Variants in EFCAB6 observed in about 807,000 individuals in gnomAD.
EFCAB6 encodes EF-hand calcium-binding domain-containing protein 6.
A neutral mutation model predicts 169.8 loss-of-function variants in EFCAB6; 156 were observed. The ratio of observed to expected loss-of-function variants is 0.92; its 90% CI spans 0.81 to 1.05. The LOEUF is 1.05. Among genes scored for constraint, EFCAB6 ranks in the 50% least tolerant of loss-of-function variants. EFCAB6 has a pLI of 0.00. For synonymous variants in EFCAB6, 698 were observed against 676.4 expected (o/e 1.03, Z -0.50); for missense variants, 1,800 against 1,829.1 (o/e 0.98, Z 0.29).
At chr22:43,587,811 G>A (rs1473283448) in intron 24 of EFCAB6, among the ~76,000 whole-genome samples, 3 of 152,208 alleles carry the variant, frequency 2.0e-5, no homozygotes, top group Non-Finnish European at 4.4e-5. Context: ...AGTGACTGGT[G>A]AAATATTCAG....
At chr22:43,742,523 T>C (rs565096194) in intron 6 of EFCAB6, among the ~76,000 whole-genome samples, 161 of 152,326 alleles carry the variant, frequency 1.1e-3, no homozygotes, top group Non-Finnish European at 1.7e-3. Flanking sequence ...GGAAAAGCAC[T>C]GAAGATTTTA....
At chr22:43,591,289 C>G (rs951360240) in intron 23 of EFCAB6, among the ~76,000 whole-genome samples, 1 of 150,872 alleles carries the variant, frequency 6.6e-6, no homozygotes, top group Admixed American at 6.6e-5. Flanking sequence ...AACCCCGTCT[C>G]TCCTAAAAAA....
At chr22:43,656,718 G>A (rs892295602) in intron 17 of EFCAB6, among the ~76,000 whole-genome samples, 1 of 151,922 alleles carries the variant, frequency 6.6e-6, no homozygotes, top group African/African-American at 2.4e-5. Context: ...ATAGCACCTA[G>A]GTTTGTTGTA....
chr22:43,624,951 TTTTG>T (rs778251018), intron 20 of EFCAB6, among the ~76,000 whole-genome samples: 2 of 152,220 alleles, frequency 1.3e-5, no homozygotes, highest in African/African-American at 4.8e-5. Flanking sequence ...TTGGGAAGAA[TTTTG>T]TTTGTTTGTT....
At chr22:43,793,313 T>G (rs1319512411) in intron 2 of EFCAB6, among the ~76,000 whole-genome samples, 2 of 152,188 alleles carry the variant, frequency 1.3e-5, no homozygotes, top group African/African-American at 4.8e-5. Flanking sequence ...TTCTACCAAC[T>G]GCGGGATCAT....
In EFCAB6 at chr22:43,576,278, G is replaced by A. The variant is rs538497186; in HGVS notation, c.3420+19C>T. The stretch of plus-strand genomic sequence containing the variant: ...AGCTCATTTTCAAAGAGATGCTTAT[G>A]TGCTGCAGACATTCTTACCTCCTCA... On this transcript the variant is annotated intron_variant, in intron 26 of 31. Coordinates refer to ENST00000262726, the MANE Select transcript of EFCAB6 (RefSeq NM_022785.4). The A allele has an allele frequency of 8.9e-6, 14 of 1,564,724 alleles. No individual in the cohort carries two copies. The South Asian group carries it at 1.5e-4, about 16-fold the overall frequency.
intron 8 of EFCAB6, among the ~76,000 whole-genome samples, chr22:43,717,554 TAAA>T (rs2059377347): frequency 6.6e-6 from 1 of 152,114 alleles, no homozygotes; most frequent in African/African-American, 2.4e-5. Flanking sequence ...ATAATTCACA[TAAA>T]AAGAATTTTA....
chr22:43,531,016 G>T, intron 30 of EFCAB6, 52 bp from the exon 31 acceptor site: 2 of 1,609,562 alleles, frequency 1.2e-6, no homozygotes, highest in South Asian at 1.1e-5. Flanking sequence ...CACGAGGGTT[G>T]GGGTGGGCTC....
At position 43,772,979 on chromosome 22, in the gene EFCAB6, C is replaced by T. The variant is rs144009343; in HGVS notation, c.264G>A (p.Leu88=). 1.0e-4 allele frequency: 168 copies of T among 1,614,104 alleles called. No individual in the cohort carries two copies. In the South Asian group the frequency reaches 1.4e-3, roughly 13 times the overall value. ...AFQLLDTGQN[L]TVSKSELRRI... ...TTCTCAGTTCACTTTTTGACACAGT[C>T]AAGTTCTGACCAGTATCCAGCAGCT... The change falls in exon 4 of 32, where the codon TTG becomes TTA. Residue 88 remains leucine (L), a synonymous_variant. Coordinates refer to ENST00000262726, the MANE Select transcript of EFCAB6 (RefSeq NM_022785.4).
intron 17 of EFCAB6, among the ~76,000 whole-genome samples, chr22:43,638,326 C>T (rs2055565269): frequency 6.6e-6 from 1 of 152,226 alleles, no homozygotes; most frequent in African/African-American, 2.4e-5. Context: ...CAAGTCATTT[C>T]CTTTGGTCTT....
rs544538212 is a variant in EFCAB6 at position 43,622,554 on chromosome 22, G to A, written c.2465+3893C>T. Among the ~76,000 whole-genome samples, 10 of 152,258 alleles carry A rather than the reference G, an allele frequency of 6.6e-5. No homozygotes were observed. The South Asian group carries it at 1.9e-3, about 28-fold the overall frequency. On this transcript the variant is annotated intron_variant, in intron 20 of 31. Coordinates refer to ENST00000262726, the MANE Select transcript of EFCAB6 (RefSeq NM_022785.4). ...GCACTCCAGCCCGGGTGACAAGAGC[G>A]AAACTCCATCTCAAAACAAACAAGC...
intron 20 of EFCAB6, among the ~76,000 whole-genome samples, chr22:43,619,939 A>G (rs1241965824): frequency 6.6e-6 from 1 of 152,206 alleles, no homozygotes; most frequent in Admixed American, 6.5e-5. Context: ...AACAAAAACC[A>G]CCAAAAAACC....
At chr22:43,585,682 C>A (rs989187570) in intron 24 of EFCAB6, among the ~76,000 whole-genome samples, 2 of 151,946 alleles carry the variant, frequency 1.3e-5, no homozygotes, top group Non-Finnish European at 2.9e-5. Flanking sequence ...AGGATAAATC[C>A]CCCCAAATCT....
intron 2 of EFCAB6, among the ~76,000 whole-genome samples, chr22:43,786,715 AAAAT>A (rs942597442): frequency 6.6e-5 from 10 of 152,034 alleles, no homozygotes; most frequent in African/African-American, 2.4e-4. Context: ...CTCCATAAAA[AAAAT>A]AAATAAATAA....
At chr22:43,757,474 G>A (rs192581301) in intron 5 of EFCAB6, among the ~76,000 whole-genome samples, 1 of 151,222 alleles carries the variant, frequency 6.6e-6, no homozygotes, top group African/African-American at 2.4e-5. Context: ...TTGAACCCGG[G>A]AGGCAGAGGT....
intron 13 of EFCAB6, among the ~76,000 whole-genome samples, chr22:43,676,989 T>C (rs78365095): frequency 1.3e-5 from 2 of 152,180 alleles, no homozygotes; most frequent in African/African-American, 4.8e-5. Flanking sequence ...GTGATATTAC[T>C]GGTTTGATTT....
chr22:43,642,350 T>A (rs1287346094), intron 17 of EFCAB6, among the ~76,000 whole-genome samples: 1 of 152,196 alleles, frequency 6.6e-6, no homozygotes, highest in Non-Finnish European at 1.5e-5. Flanking sequence ...TAATATTATT[T>A]TTATTTCTTT....
rs2056798086 is a variant in EFCAB6 at position 43,657,309 on chromosome 22, T to C, written c.1983+9795A>G. Among the ~76,000 whole-genome samples, 5 of 152,076 alleles carry C rather than the reference T, an allele frequency of 3.3e-5. No individual in the cohort carries two copies. In the South Asian group the frequency reaches 8.3e-4, roughly 25 times the overall value. On this transcript the variant is annotated intron_variant, in intron 17 of 31. Coordinates refer to ENST00000262726, the MANE Select transcript of EFCAB6 (RefSeq NM_022785.4). ...GACCCTGTCCTCCCATCCCCCAAAATGACTATACGTGTTAGGTCATAATCC... is the reference window on the plus strand; with the variant it reads ...GACCCTGTCCTCCCATCCCCCAAAACGACTATACGTGTTAGGTCATAATCC...
intron 24 of EFCAB6, among the ~76,000 whole-genome samples, chr22:43,583,964 C>A (rs1215945308): frequency 6.6e-6 from 1 of 152,132 alleles, no homozygotes; most frequent in East Asian, 1.9e-4. Context: ...GCTAGAGGCT[C>A]AGGGATAGTA....
Sources: allele counts gnomAD v4.1 joint callset (sites outside exome capture counted in the v4.1 genomes callset), GRCh38; gene constraint gnomAD v4.1.1; transcripts MANE v1.5; gene names NCBI Gene and HGNC (gene_info 2026-07-23, HGNC 2026-07-21).